Variants in HECW1 observed in about 807,000 individuals in gnomAD.
HECW1 encodes HECT, C2 and WW domain containing E3 ubiquitin protein ligase 1, also known as E3 ubiquitin-protein ligase HECW1.
Under a neutral mutation model 182.3 loss-of-function variants are expected in HECW1, and 61 were observed. That is an observed-to-expected ratio of 0.33 (90% CI 0.27 to 0.41). The LOEUF (loss-of-function observed/expected upper bound fraction) is 0.41, where lower values mean the gene tolerates loss of function less well. Among genes scored for constraint, HECW1 ranks in the 10% least tolerant of loss-of-function variants. The probability of loss-of-function intolerance (pLI) is 1.00; values close to 1 mark genes in which losing one functional copy is unlikely to be tolerated. For synonymous variants in HECW1, 859 were observed against 832.6 expected (o/e 1.03, Z -0.55); for missense variants, 1,739 against 2,108.9 (o/e 0.82, Z 3.44).
At chr7:43,457,449 G>A (rs868577194) in intron 13 of HECW1, among the ~76,000 whole-genome samples, 14 of 152,192 alleles carry the variant, frequency 9.2e-5, no homozygotes, top group Middle Eastern at 3.2e-3. Flanking sequence ...CTGCCAGAAA[G>A]AAAAGGAGGA....
In HECW1 at chr7:43,432,320, T is replaced by C. The variant is rs1376052191; in HGVS notation, c.802-5683T>C. Among the ~76,000 whole-genome samples, 4 of 151,342 alleles carry C rather than the reference T, an allele frequency of 2.6e-5. No homozygotes were observed. The highest frequency in any genetic ancestry group is 1.5e-5 in the Non-Finnish European group (1 of 67,876). On this transcript the variant is annotated intron_variant, in intron 8 of 29. Transcript: ENST00000395891. The surrounding 1 kb of genome is among the most constrained non-coding windows in gnomAD (Gnocchi z 4.1). ...ACACCCGGCTAATTTTTTGTATTTT[T>C]AGTAGAGACGGGGTTTCACCGTTTT...
chr7:43,470,806 C>T (rs1032296592), intron 16 of HECW1, among the ~76,000 whole-genome samples: 1 of 152,186 alleles, frequency 6.6e-6, no homozygotes, highest in Non-Finnish European at 1.5e-5. Flanking sequence ...CATACACACA[C>T]TCATAGTTAC....
At chr7:43,200,846 A>G (rs1021084174) in intron 2 of HECW1, among the ~76,000 whole-genome samples, 11 of 152,308 alleles carry the variant, frequency 7.2e-5, no homozygotes, top group African/African-American at 2.6e-4. Flanking sequence ...CTCTGTTTCC[A>G]TGCTTTACCC....
intron 5 of HECW1, among the ~76,000 whole-genome samples, chr7:43,322,839 T>C (rs1810311071): frequency 6.6e-6 from 1 of 152,216 alleles, no homozygotes; most frequent in South Asian, 2.1e-4. Context: ...GCACCAATTT[T>C]TTCCCTTTGG....
At chr7:43,520,562 A>T (rs907976243) in intron 24 of HECW1, among the ~76,000 whole-genome samples, 2 of 151,984 alleles carry the variant, frequency 1.3e-5, no homozygotes, top group East Asian at 1.9e-4. Flanking sequence ...TTCATTCATG[A>T]TTTCTTCATG....
At chr7:43,370,528 T>C (rs954831963) in intron 6 of HECW1, among the ~76,000 whole-genome samples, 1 of 152,248 alleles carries the variant, frequency 6.6e-6, no homozygotes, top group Non-Finnish European at 1.5e-5. Context: ...TGAAAACTTA[T>C]GTCCATACAA....
chr7:43,439,688 G>C (rs2076821605), intron 9 of HECW1: 1 of 152,664 alleles, frequency 6.6e-6, no homozygotes, highest in Non-Finnish European at 1.5e-5. Flanking sequence ...GCCCTCCCAT[G>C]CTGAGTTCTC....
intron 2 of HECW1, among the ~76,000 whole-genome samples, chr7:43,174,255 A>G (rs1405448781): frequency 6.6e-6 from 1 of 152,188 alleles, no homozygotes; most frequent in Non-Finnish European, 1.5e-5. Flanking sequence ...CCATTTTCTG[A>G]CACATCATCA....
chr7:43,321,622 TG>T (rs1284129843), intron 5 of HECW1, among the ~76,000 whole-genome samples: 1 of 152,232 alleles, frequency 6.6e-6, no homozygotes, highest in African/African-American at 2.4e-5. Flanking sequence ...GTTCATTCAA[TG>T]TGGCATGTCA....
intron 17 of HECW1, 94 bp downstream of exon 17, chr7:43,479,838 G>A: frequency 1.4e-6 from 2 of 1,466,474 alleles, no homozygotes; most frequent in East Asian, 2.3e-5. Flanking sequence ...TAGGATCTAG[G>A]GTTGCCTGCG....
At chr7:43,279,079 T>C (rs1249885247) in intron 3 of HECW1, among the ~76,000 whole-genome samples, 1 of 152,188 alleles carries the variant, frequency 6.6e-6, no homozygotes, top group Non-Finnish European at 1.5e-5. Flanking sequence ...TGTTATTTCT[T>C]TGAGCTGGGT....
At chr7:43,230,978 A>C (rs1288927526) in intron 2 of HECW1, among the ~76,000 whole-genome samples, 1 of 152,192 alleles carries the variant, frequency 6.6e-6, no homozygotes, top group African/African-American at 2.4e-5. Context: ...TGAGTTTGAC[A>C]TGCCTTTTTC....
At chr7:43,336,150 CTCT>C (rs1812227891) in intron 5 of HECW1, among the ~76,000 whole-genome samples, 1 of 51,584 alleles carries the variant, frequency 1.9e-5, no homozygotes, top group Admixed American at 2.6e-4. Flanking sequence ...CTCTTTCTCT[CTCT>C]CTCTCTCTCT....
chr7:43,489,275 T>C (rs2078839499), intron 17 of HECW1, among the ~76,000 whole-genome samples: 1 of 152,172 alleles, frequency 6.6e-6, no homozygotes, highest in African/African-American at 2.4e-5. Flanking sequence ...AGATCAATAA[T>C]ATTTTAAATA....
intron 14 of HECW1, among the ~76,000 whole-genome samples, chr7:43,465,352 AC>A (rs1490493020): frequency 6.6e-6 from 1 of 152,182 alleles, no homozygotes; most frequent in Non-Finnish European, 1.5e-5. Context: ...TGCTGGGCTC[AC>A]CTGTCCATCG....
chr7:43,284,228 T>A (rs888086173), intron 3 of HECW1, among the ~76,000 whole-genome samples: 4 of 152,226 alleles, frequency 2.6e-5, no homozygotes, highest in African/African-American at 7.2e-5. Context: ...AAACATTTTT[T>A]AATTGACAAA....
chr7:43,282,331 C>T (rs1804022507), intron 3 of HECW1, among the ~76,000 whole-genome samples: 1 of 152,214 alleles, frequency 6.6e-6, no homozygotes, highest in South Asian at 2.1e-4. Flanking sequence ...CTCTTTTTCG[C>T]TGACTTCACT....
At chr7:43,326,657 G>A (rs754138165) in intron 5 of HECW1, among the ~76,000 whole-genome samples, 13 of 152,318 alleles carry the variant, frequency 8.5e-5, no homozygotes, top group South Asian at 2.1e-4. Flanking sequence ...GGGCAGGATC[G>A]TACATCCACC....
At chr7:43,312,548 C>T (rs1310920883) in intron 4 of HECW1, among the ~76,000 whole-genome samples, 1 of 152,212 alleles carries the variant, frequency 6.6e-6, no homozygotes, top group Non-Finnish European at 1.5e-5. Flanking sequence ...TGGGATTATA[C>T]TCACAGGCAT....
Sources: allele counts gnomAD v4.1 joint callset (sites outside exome capture counted in the v4.1 genomes callset), GRCh38; gene constraint gnomAD v4.1.1; non-coding constraint Gnocchi (gnomAD v3.1); transcripts MANE v1.5; gene names NCBI Gene and HGNC (gene_info 2026-07-23, HGNC 2026-07-21).